COL6A5: variants seen among roughly 807,000 people sequenced by gnomAD.
COL6A5 encodes collagen type VI alpha 5 chain.
Under a neutral mutation model 65.6 loss-of-function variants are expected in COL6A5, and 48 were observed. That is an observed-to-expected ratio of 0.73 (90% CI 0.58 to 0.93). COL6A5 has a LOEUF of 0.93. Among genes scored for constraint, COL6A5 ranks in the 40% least tolerant of loss-of-function variants. The pLI, the probability that COL6A5 is intolerant of heterozygous loss-of-function variation, is 0.00. For synonymous variants in COL6A5, 291 were observed against 322.8 expected (o/e 0.90, Z 1.05); for missense variants, 914 against 928.3 (o/e 0.98, Z 0.20).
intron 3 of COL6A5, 105 bp downstream of exon 35, chr3:130,440,930 A>T: frequency 1.2e-6 from 1 of 836,172 alleles, no homozygotes; most frequent in Non-Finnish European, 1.8e-6. Flanking sequence ...AACATAATTT[A>T]TGAATTAGAT....
chr3:130,431,076 TACAC>T (rs1162952175), upstream of COL6A5, among the ~76,000 whole-genome samples: 1 of 152,210 alleles, frequency 6.6e-6, no homozygotes, highest in Non-Finnish European at 1.5e-5. Context: ...TTTTAAATTT[TACAC>T]ACAGTAAAAT....
exon 2 of COL6A5, chr3:130,439,599 C>G (rs1421381355): frequency 6.4e-7 from 1 of 1,550,928 alleles, no homozygotes; most frequent in Non-Finnish European, 8.7e-7. Context: ...GACTTCGGCG[C>G]TGTGCACTTT....
chr3:130,420,396 C>T (rs1311691001), intron 25 of COL6A5, among the ~76,000 whole-genome samples: 1 of 152,034 alleles, frequency 6.6e-6, no homozygotes, highest in Non-Finnish European at 1.5e-5. Flanking sequence ...CTACTAAATG[C>T]ATATAACATT....
At chr3:130,353,973 T>A (rs886544795) in intron 1 of COL6A5, among the ~76,000 whole-genome samples, 2 of 151,420 alleles carry the variant, frequency 1.3e-5, no homozygotes, top group African/African-American at 4.9e-5. Context: ...TAAAAGAACA[T>A]CTGAATTCAC....
rs766499324 is a variant in COL6A5 at position 130,469,145 on chromosome 3, A to T, written c.1897A>T (p.Asn633Tyr). 5 of 1,612,566 alleles carry T rather than the reference A, an allele frequency of 3.1e-6. No homozygotes were observed. The East Asian group carries it at 6.7e-5, about 22-fold the overall frequency. Residue 633 changes from asparagine (N) to tyrosine (Y), a missense_variant, in exon 6 of 8, where the codon AAT (asparagine) becomes TAT (tyrosine). Asn to Tyr is a moderately radical substitution (Grantham distance 143). Transcript: ENST00000512836. ...TCATCTCCAAGACTCTCAACAGCTC[A>T]ATGGAGATGTTTTTATTGGCCATGC... is the stretch of plus-strand genomic sequence containing the variant.
In COL6A5 at chr3:130,394,965, C is replaced by A. The variant is rs753446466; in HGVS notation, c.3068C>A (p.Thr1023Asn). 4 of 1,551,514 alleles carry A rather than the reference C, an allele frequency of 2.6e-6. No individual in the cohort carries two copies. The South Asian group carries it at 3.6e-5, about 14-fold the overall frequency. The change falls in exon 8 of 42, where the codon ACC becomes AAC. Residue 1023 changes from threonine to asparagine, a missense_variant and NMD_transcript_variant. Transcript: ENST00000312481. The stretch of plus-strand genomic sequence containing the variant: ...AGGGTATCTAATTCAGATTTTGTAA[C>A]CATGACAACTTTCTTGTCAGACTTA...
chr3:130,466,887 C>A (rs1431886385), intron 5 of COL6A5, among the ~76,000 whole-genome samples: 2 of 151,932 alleles, frequency 1.3e-5, no homozygotes, highest in Non-Finnish European at 2.9e-5. Flanking sequence ...TATAAACTAC[C>A]AAAGCTTACT....
intron 1 of COL6A5, among the ~76,000 whole-genome samples, chr3:130,351,315 G>A (rs1934696763): frequency 6.6e-6 from 1 of 152,118 alleles, no homozygotes; most frequent in East Asian, 1.9e-4. Context: ...AGACAAATGG[G>A]ATCTAATTAA....
exon 9 of COL6A5, chr3:130,397,627 GT>G (rs1936646895): frequency 6.4e-7 from 1 of 1,551,396 alleles, no homozygotes; most frequent in Admixed American, 2.0e-5. Flanking sequence ...CTCCACTCAT[GT>G]GCAGGGGCAG....
In COL6A5 at chr3:130,442,660, G is replaced by C. The variant is rs148026924; in HGVS notation, c.1242-816G>C. 2.0e-5 allele frequency among the ~76,000 whole-genome samples: 3 copies of C among 152,258 alleles called. No homozygotes were observed. The East Asian group carries it at 5.8e-4, about 29-fold the overall frequency. Reference sequence around the variant, plus strand: ...ATTCTACAAGTTTTGGTGCTGGCATGTTTGCTGTTCCCACATGCACAGGCA... The same window carrying C: ...ATTCTACAAGTTTTGGTGCTGGCATCTTTGCTGTTCCCACATGCACAGGCA... On this transcript the variant is annotated intron_variant, in intron 3 of 7. Coordinates refer to ENST00000512836, the Ensembl canonical transcript of COL6A5.
exon 3 of COL6A5, chr3:130,440,800 A>G: frequency 6.2e-7 from 1 of 1,612,144 alleles, no homozygotes; most frequent in Non-Finnish European, 8.5e-7. Flanking sequence ...CGAAGTTCTT[A>G]AAGCCATTTT....
At chr3:130,395,422 A>G (rs773279286) in exon 8 of COL6A5, 1 of 1,545,802 alleles carries the variant, frequency 6.5e-7, no homozygotes, top group South Asian at 1.2e-5. Context: ...TGGATGTGAA[A>G]AAAAGAATCA....
chr3:130,455,345 C>G (rs1709546184), intron 4 of COL6A5, 110 bp from the exon 37 acceptor site: 1 of 628,934 alleles, frequency 1.6e-6, no homozygotes, highest in Non-Finnish European at 2.8e-6. Context: ...ATTTTCACCA[C>G]CCAATTGGTT....
chr3:130,349,628 A>T (rs1275244697), intron 1 of COL6A5, among the ~76,000 whole-genome samples: 5 of 152,214 alleles, frequency 3.3e-5, no homozygotes, highest in Non-Finnish European at 7.3e-5. Context: ...GACCTCTTTA[A>T]TTCATAGATA....
At chr3:130,427,257 T>A (rs1253762607), upstream of COL6A5, among the ~76,000 whole-genome samples, 6 of 152,312 alleles carry the variant, frequency 3.9e-5, no homozygotes, top group East Asian at 1.2e-3. Context: ...AATGATTTAC[T>A]GTGTTCAAGG....
intron 6 of COL6A5, among the ~76,000 whole-genome samples, chr3:130,390,656 T>C (rs963688433): frequency 1.3e-5 from 2 of 152,062 alleles, no homozygotes. Context: ...AAAGCATAAA[T>C]AACTGCAGAG....
intron 1 of COL6A5, among the ~76,000 whole-genome samples, chr3:130,432,916 C>G (rs561167072): frequency 7.2e-4 from 109 of 152,272 alleles, no homozygotes; most frequent in South Asian, 5.6e-3. Flanking sequence ...ACTTAAAAAC[C>G]TCTTCATCTG....
intron 3 of COL6A5, among the ~76,000 whole-genome samples, chr3:130,442,685 A>T (rs1179335763): frequency 6.6e-6 from 1 of 152,210 alleles, no homozygotes; most frequent in Non-Finnish European, 1.5e-5. Flanking sequence ...ATGCACAGGC[A>T]ATGACCACTG....
chr3:130,390,430 G>A (rs1396857241), intron 6 of COL6A5, among the ~76,000 whole-genome samples: 1 of 152,190 alleles, frequency 6.6e-6, no homozygotes, highest in Non-Finnish European at 1.5e-5. Context: ...CAGGTGGAAA[G>A]TGGAGAAAGC....
Sources: gnomAD v4.1 joint callset for allele counts (sites outside exome capture counted in the v4.1 genomes callset) on GRCh38, gnomAD v4.1.1 for gene constraint, MANE v1.5 for transcripts, NCBI Gene and HGNC (gene_info 2026-07-23, HGNC 2026-07-21) for gene names.